MLEC: variants seen among roughly 807,000 people sequenced by gnomAD.
The protein encoded by MLEC is malectin, also known as oligosaccharyltransferase complex subunit (non-catalytic).
In MLEC, 7 loss-of-function variants were observed where a neutral mutation model predicts 28.7. The observed-to-expected ratio is 0.24, with a 90% confidence interval of 0.14 to 0.46. MLEC has a LOEUF of 0.46. Among genes scored for constraint, MLEC ranks in the 20% least tolerant of loss-of-function variants. The pLI, the probability that MLEC is intolerant of heterozygous loss-of-function variation, is 0.99. For missense variants in MLEC, 237 were observed against 391.1 expected (o/e 0.61, Z 3.32); for synonymous variants, 142 against 164.4 (o/e 0.86, Z 1.04).
chr12:120,690,647 A>AG (rs1426662728), intron 1 of MLEC, among the ~76,000 whole-genome samples: 1 of 152,038 alleles, frequency 6.6e-6, no homozygotes, highest in East Asian at 1.9e-4. Flanking sequence ...ATAGCTCCAG[A>AG]GGGGAAAAAA....
intron 1 of MLEC, among the ~76,000 whole-genome samples, chr12:120,692,285 A>G (rs1025317058): frequency 6.6e-6 from 1 of 152,216 alleles, no homozygotes; most frequent in African/African-American, 2.4e-5. Context: ...TGGAAGAAGG[A>G]AATTCTTAGA....
At chr12:120,689,248 T>G (rs1214333875) in intron 1 of MLEC, among the ~76,000 whole-genome samples, 1 of 151,992 alleles carries the variant, frequency 6.6e-6, no homozygotes, top group Non-Finnish European at 1.5e-5. Flanking sequence ...TTTGGCTTGG[T>G]CAGCAGTCAG....
At chr12:120,692,405 T>C (rs191114545) in intron 1 of MLEC, among the ~76,000 whole-genome samples, 1 of 152,214 alleles carries the variant, frequency 6.6e-6, no homozygotes, top group African/African-American at 2.4e-5. Context: ...GTACATCCTT[T>C]GTATGCATTG....
rs1882156034 is a variant in MLEC at position 120,694,551 on chromosome 12, C to T, written c.415-273C>T. On this transcript the variant is annotated intron_variant, in intron 2 of 4. Coordinates refer to ENST00000228506, the MANE Select transcript of MLEC (RefSeq NM_014730.4). The surrounding 1 kb of genome is among the most constrained non-coding windows in gnomAD (Gnocchi z 4.5). ...CCTTCTTGTTTTTAGCCTTATTTTT[C>T]CTCTGTCCCTTCCTGTGAATTTCCT... Among the ~76,000 whole-genome samples the T allele has an allele frequency of 1.3e-5, 2 of 152,136 alleles. No individual in the cohort carries two copies. Among genetic ancestry groups the T allele is most frequent in the South Asian group, 2.1e-4 (1 of 4,816 alleles).
Position 120,694,075 on chromosome 12 carries a change from T to G in MLEC, c.236-16T>G. The stretch of plus-strand genomic sequence containing the variant: ...TCTTGCCTCTGATGTGCTTTCTCTT[T>G]GTCTTTTGTCCTCAGCCTCAGACTA... On this transcript the variant is annotated splice_polypyrimidine_tract_variant and intron_variant, in intron 1 of 4. Transcript: ENST00000228506. The surrounding 1 kb of genome is among the most constrained non-coding windows in gnomAD (Gnocchi z 4.5). 1 of 1,608,636 alleles carries G rather than the reference T, an allele frequency of 6.2e-7. No individual in the cohort carries two copies. The highest frequency in any genetic ancestry group is 8.5e-7 in the Non-Finnish European group (1 of 1,176,752).
chr12:120,689,004 G>A (rs1234291731), intron 1 of MLEC, among the ~76,000 whole-genome samples: 2 of 152,218 alleles, frequency 1.3e-5, no homozygotes, highest in African/African-American at 2.4e-5. Flanking sequence ...GACAGTTTGT[G>A]GACTTTGCCT....
chr12:120,696,281 T>C lies in MLEC; in HGVS notation c.650-35T>C, dbSNP rs779691846. 1 of 1,610,018 alleles carries C rather than the reference T, an allele frequency of 6.2e-7. No homozygotes were observed. Among genetic ancestry groups the C allele is most frequent in the South Asian group, 1.1e-5 (1 of 90,310 alleles). On this transcript the variant is annotated intron_variant, in intron 4 of 4. Coordinates refer to ENST00000228506, the MANE Select transcript of MLEC (RefSeq NM_014730.4). The surrounding 1 kb of genome is among the most constrained non-coding windows in gnomAD (Gnocchi z 5.4). Reference sequence around the variant, plus strand: ...TTAAGGGTCTCTCTTACTTAAATGCTGTGGGTCTTAACAGTGTTTTCTTCC... The same window carrying C: ...TTAAGGGTCTCTCTTACTTAAATGCCGTGGGTCTTAACAGTGTTTTCTTCC...
rs1033862195 is a variant in MLEC at position 120,694,663 on chromosome 12, A to G, written c.415-161A>G. Among the ~76,000 whole-genome samples, 2 of 152,084 alleles carry G rather than the reference A, an allele frequency of 1.3e-5. No individual in the cohort carries two copies. Among genetic ancestry groups the G allele is most frequent in the African/African-American group, 2.4e-5 (1 of 41,406 alleles). On this transcript the variant is annotated intron_variant, in intron 2 of 4. Transcript: ENST00000228506. The surrounding 1 kb of genome is among the most constrained non-coding windows in gnomAD (Gnocchi z 4.5). The stretch of plus-strand genomic sequence containing the variant: ...TGGGCAGTGAAGGAACACGGCTTTG[A>G]TTTGACCCGGGTTAAGGATGCTAAC...
chr12:120,687,354 C>T lies in MLEC; in HGVS notation c.58C>T (p.Leu20=). 3 of 1,383,384 alleles carry T rather than the reference C, an allele frequency of 2.2e-6. No homozygotes were observed. The highest frequency in any genetic ancestry group is 2.8e-6 in the Non-Finnish European group (3 of 1,069,692). The allele number at this position is 1,383,384 out of a possible 1,614,324, so 85.7% of individuals were successfully genotyped here. A position where few individuals can be genotyped will look rare whatever the true frequency, so the allele number is the denominator to read the frequency against. ...TAVALLRLLL[L]LLPPAIRGPG... is the part of the protein sequence containing the mutation. ...TGTGGCGCTCCTGCGACTGCTGCTG[C>T]TGCTGCTGCCGCCGGCGATCCGGGG... Residue 20 remains leucine (L), a synonymous_variant, in exon 1 of 5, where the codon CTG becomes TTG. Transcript: ENST00000228506. The surrounding 1 kb of genome is among the most constrained non-coding windows in gnomAD (Gnocchi z 8.1).
intron 1 of MLEC, among the ~76,000 whole-genome samples, chr12:120,693,254 G>A (rs1882104907): frequency 6.6e-6 from 1 of 152,228 alleles, no homozygotes. Context: ...CCAGCCTTGT[G>A]GACAGAGTGG....
Position 120,696,324 on chromosome 12 carries a change from A to G in MLEC, c.658A>G (p.Lys220Glu). 6.2e-7 allele frequency: 1 copy of G among 1,614,102 alleles called. No homozygotes were observed. The highest frequency in any genetic ancestry group is 8.5e-7 in the Non-Finnish European group (1 of 1,180,022). The change falls in exon 5 of 5, where the codon AAG becomes GAG. Residue 220 changes from lysine (K) to glutamate (E), a missense_variant. Physicochemically the swap from Lys to Glu is moderately conservative, Grantham distance 56. Transcript: ENST00000228506. The surrounding 1 kb of genome is among the most constrained non-coding windows in gnomAD (Gnocchi z 5.4). ...IMAGTVDDVPKLQPHPGLEKK... is the reference protein window; with the variant it reads ...IMAGTVDDVPELQPHPGLEKK... Reference sequence around the variant, plus strand: ...TTTCTTCCTTGTGTTAGATGTACCAAAGCTTCAGCCTCATCCGGGATTGGA... The same window carrying G: ...TTTCTTCCTTGTGTTAGATGTACCAGAGCTTCAGCCTCATCCGGGATTGGA...
At chr12:120,693,094 A>G (rs571005463) in intron 1 of MLEC, among the ~76,000 whole-genome samples, 11 of 152,364 alleles carry the variant, frequency 7.2e-5, no homozygotes, top group Non-Finnish European at 1.6e-4. Flanking sequence ...GCCAGGGCCA[A>G]GAGAGGTTTT....
In MLEC at chr12:120,694,306, C is replaced by T; in HGVS notation, c.414+37C>T. 6.3e-7 allele frequency: 1 copy of T among 1,598,948 alleles called. No individual in the cohort carries two copies. The highest frequency in any genetic ancestry group is 8.5e-7 in the Non-Finnish European group (1 of 1,170,804). On this transcript the variant is annotated intron_variant, in intron 2 of 4. Transcript: ENST00000228506. The surrounding 1 kb of genome is among the most constrained non-coding windows in gnomAD (Gnocchi z 4.5). ...TCAGGCTGCTGCTTGACCAGTAGGACATTGCTGCTCTTGGACAATCCACGA... is the reference window on the plus strand; with the variant it reads ...TCAGGCTGCTGCTTGACCAGTAGGATATTGCTGCTCTTGGACAATCCACGA...
rs1353472167 is a variant in MLEC, at chr12:120,696,390, G to C, written c.724G>C (p.Gly242Arg). The change falls in exon 5 of 5, where the codon GGG becomes CGG. Residue 242 changes from glycine to arginine, a missense_variant. Gly to Arg is a moderately radical substitution (Grantham distance 125). Transcript: ENST00000228506. This position sits in a 1 kb window ranked among gnomAD's most constrained non-coding sequence, Gnocchi z 5.4. ...EEEEEEEYDEGSNLKKQTNKN... is the reference protein window; with the variant it reads ...EEEEEEEYDERSNLKKQTNKN... ...AGAAGAAGAAGAAGAATATGATGAA[G>C]GGTCTAATCTCAAAAAACAGACCAA... The C allele has an allele frequency of 1.2e-6, 2 of 1,614,166 alleles. No individual in the cohort carries two copies. Among genetic ancestry groups the C allele is most frequent in the Non-Finnish European group, 1.7e-6 (2 of 1,180,026 alleles).
intron 1 of MLEC, among the ~76,000 whole-genome samples, chr12:120,689,031 T>C (rs1881936483): frequency 1.3e-5 from 2 of 152,252 alleles, no homozygotes; most frequent in South Asian, 4.1e-4. Flanking sequence ...ATAGCGGTGG[T>C]GAGGGTGCTG....
Position 120,696,696 on chromosome 12 carries a change from G to A in MLEC, c.*151G>A, listed in dbSNP as rs576164251. 3.4e-6 allele frequency: 4 copies of A among 1,190,324 alleles called. No homozygotes were observed. The highest frequency in any genetic ancestry group is 2.5e-5 in the East Asian group (1 of 40,334). The allele number at this position is 1,190,324 out of a possible 1,614,324, so 73.7% of individuals were successfully genotyped here. ...TAAAGGAGACAAAAAGAGGCAGAGC[G>A]AGTAGAGAGCAGCCCTCATTCACCA... On this transcript the variant is annotated 3_prime_UTR_variant, in exon 5 of 5. Coordinates refer to ENST00000228506, the MANE Select transcript of MLEC (RefSeq NM_014730.4). The surrounding 1 kb of genome is among the most constrained non-coding windows in gnomAD (Gnocchi z 5.4).
Position 120,696,316 on chromosome 12 carries a change from A to G in MLEC, c.650A>G (p.Asp217Gly), listed in dbSNP as rs778054039. 7 of 1,613,984 alleles carry G rather than the reference A, an allele frequency of 4.3e-6. No homozygotes were observed. Among genetic ancestry groups the G allele is most frequent in the African/African-American group, 1.3e-5 (1 of 74,982 alleles). ...AACAGTGTTTTCTTCCTTGTGTTAG[A>G]TGTACCAAAGCTTCAGCCTCATCCG... is the stretch of plus-strand genomic sequence containing the variant. Reference protein sequence around the residue: ...ALYIMAGTVDDVPKLQPHPGL... With the variant: ...ALYIMAGTVDGVPKLQPHPGL... The change falls in exon 5 of 5, where the codon GAT (aspartate) becomes GGT (glycine). Residue 217 changes from aspartate to glycine, a missense_variant and splice_region_variant. By Grantham distance (94) the Asp-to-Gly change is moderately conservative. Coordinates refer to ENST00000228506, the MANE Select transcript of MLEC (RefSeq NM_014730.4). This position sits in a 1 kb window ranked among gnomAD's most constrained non-coding sequence, Gnocchi z 5.4.
rs1882157452 is a variant in MLEC, at chr12:120,694,584, A to G, written c.415-240A>G. ...CCTTCCTGTGAATTTCCTTCTTCCTATGCTAAGCTTTTTGTTTGTATTCTT... is the reference window on the plus strand; with the variant it reads ...CCTTCCTGTGAATTTCCTTCTTCCTGTGCTAAGCTTTTTGTTTGTATTCTT... On this transcript the variant is annotated intron_variant, in intron 2 of 4. Transcript: ENST00000228506. The surrounding 1 kb of genome is among the most constrained non-coding windows in gnomAD (Gnocchi z 4.5). Among the ~76,000 whole-genome samples the G allele has an allele frequency of 6.6e-6, 1 of 151,852 alleles. No homozygotes were observed. The highest frequency in any genetic ancestry group is 2.4e-5 in the African/African-American group (1 of 41,292).
chr12:120,695,012 A>G lies in MLEC; in HGVS notation c.591+12A>G. 2 of 1,614,162 alleles carry G rather than the reference A, an allele frequency of 1.2e-6. No individual in the cohort carries two copies. The highest frequency in any genetic ancestry group is 1.7e-6 in the Non-Finnish European group (2 of 1,180,008). ...TTGAGTTTGTCAAGGTAATTCCCCT[A>G]TTCTGCCCATTGCTGAAGAGAGTGG... On this transcript the variant is annotated intron_variant, in intron 3 of 4. Coordinates refer to ENST00000228506, the MANE Select transcript of MLEC (RefSeq NM_014730.4).
Sources: allele counts gnomAD v4.1 joint callset (sites outside exome capture counted in the v4.1 genomes callset), GRCh38; gene constraint gnomAD v4.1.1; non-coding constraint Gnocchi (gnomAD v3.1); transcripts MANE v1.5; gene names NCBI Gene and HGNC (gene_info 2026-07-23, HGNC 2026-07-21).